The following RASGEF1A variants were observed in gnomAD, a reference collection of about 807,000 sequenced individuals.
RASGEF1A encodes ras-GEF domain-containing family member 1A.
A neutral mutation model predicts 56.4 loss-of-function variants in RASGEF1A; 18 were observed. That is an observed-to-expected ratio of 0.32 (90% CI 0.22 to 0.47). The LOEUF (loss-of-function observed/expected upper bound fraction) is 0.47. Among genes scored for constraint, RASGEF1A ranks in the 20% least tolerant of loss-of-function variants. RASGEF1A has a pLI of 1.00. For missense variants in RASGEF1A, 422 were observed against 627.1 expected, an observed-to-expected ratio of 0.67 and a Z score of 3.49; for synonymous variants, 245 against 242.6, an observed-to-expected ratio of 1.01 and a Z score of -0.09.
At chr10:43,224,727 T>C (rs1840250603) in intron 1 of RASGEF1A, among the ~76,000 whole-genome samples, 1 of 152,208 alleles carries the variant, frequency 6.6e-6, no homozygotes, top group Non-Finnish European at 1.5e-5. Context: ...AATGTTACTT[T>C]GCACCTTTTA....
intron 1 of RASGEF1A, chr10:43,208,027 C>CA (rs908078335): frequency 1.0e-6 from 1 of 984,054 alleles, no homozygotes; most frequent in Non-Finnish European, 1.2e-6. Flanking sequence ...CCCAGGGTGG[C>CA]ACTCAGTGAC....
chr10:43,231,469 C>T (rs1045210756), intron 1 of RASGEF1A, among the ~76,000 whole-genome samples: 2 of 152,234 alleles, frequency 1.3e-5, no homozygotes, highest in Non-Finnish European at 2.9e-5. Context: ...CAAGCATCCC[C>T]TCTGCCTCCC....
At chr10:43,206,552 G>A (rs191657269) in intron 1 of RASGEF1A, 1 of 1,008,538 alleles carries the variant, frequency 9.9e-7, no homozygotes, top group East Asian at 9.4e-5. Flanking sequence ...GAGTGCCAAG[G>A]TCCTGACCCA....
intron 1 of RASGEF1A, among the ~76,000 whole-genome samples, chr10:43,213,244 A>G (rs1033640674): frequency 1.3e-5 from 2 of 151,752 alleles, no homozygotes; most frequent in African/African-American, 4.8e-5. Context: ...TTTCCGACAC[A>G]TAGAAATTAC....
intron 1 of RASGEF1A, among the ~76,000 whole-genome samples, chr10:43,234,771 A>G (rs1393044807): frequency 6.6e-6 from 1 of 152,198 alleles, no homozygotes; most frequent in South Asian, 2.1e-4. Flanking sequence ...ATGCCAATTC[A>G]CAAGGGTGCT....
At position 43,196,260 on chromosome 10, in the gene RASGEF1A, AG is replaced by A; in HGVS notation, c.1429del (p.Leu477PhefsTer2). The stretch of plus-strand genomic sequence containing the variant: ...GCATCCGCCTCAGGCTCTGTTCAGA[AG>A]GGTGGTCCTAGAGGGGGACAGGACA... ...KDSWKTLRTTLLNRA is the reference protein window; with the variant it reads ...KDSWKTLRTTXLNRA On this transcript the variant is annotated frameshift_variant, in exon 13 of 13. Transcript: ENST00000395810. LOFTEE classifies it high-confidence loss of function. This position sits in a 1 kb window ranked among gnomAD's most constrained non-coding sequence, Gnocchi z 4.6. 1.2e-6 allele frequency: 2 copies of A among 1,613,662 alleles called. No homozygotes were observed. The highest frequency in any genetic ancestry group is 1.7e-6 in the Non-Finnish European group (2 of 1,179,768).
At chr10:43,249,764 G>A (rs1451215456) in intron 1 of RASGEF1A, among the ~76,000 whole-genome samples, 1 of 152,184 alleles carries the variant, frequency 6.6e-6, no homozygotes, top group Non-Finnish European at 1.5e-5. Flanking sequence ...TGGTCAGGAG[G>A]AGGTGGGCCC....
chr10:43,252,010 C>G (rs1840632401), intron 1 of RASGEF1A, among the ~76,000 whole-genome samples: 2 of 152,224 alleles, frequency 1.3e-5, no homozygotes, highest in Admixed American at 1.3e-4. Context: ...CCTGAGGACA[C>G]ACAGGGTGGT....
At position 43,200,647 on chromosome 10, in the gene RASGEF1A, G is replaced by C; in HGVS notation, c.681+20C>G. ...GTCCCACAGCCCCCACCCCCAGTCA[G>C]GGCATAAGGCAGCACTGACCAGCTC... On this transcript the variant is annotated intron_variant, in intron 5 of 12. Coordinates refer to ENST00000395810, the MANE Select transcript of RASGEF1A (RefSeq NM_145313.4). 1 of 1,601,996 alleles carries C rather than the reference G, an allele frequency of 6.2e-7. No homozygotes were observed. The highest frequency in any genetic ancestry group is 1.1e-5 in the South Asian group (1 of 90,828).
At chr10:43,213,752 G>A (rs1480513185) in intron 1 of RASGEF1A, among the ~76,000 whole-genome samples, 2 of 152,104 alleles carry the variant, frequency 1.3e-5, no homozygotes, top group African/African-American at 2.4e-5. Flanking sequence ...TCAGGCTCCC[G>A]AGTAGCTGGG....
At chr10:43,266,620 C>T (rs1429065591) in intron 1 of RASGEF1A, among the ~76,000 whole-genome samples, 1 of 149,190 alleles carries the variant, frequency 6.7e-6, no homozygotes, top group Non-Finnish European at 1.5e-5. Context: ...CCGTCCAGCC[C>T]GGGGCGGAGT....
chr10:43,248,708 T>A (rs1840594031), intron 1 of RASGEF1A, among the ~76,000 whole-genome samples: 1 of 152,214 alleles, frequency 6.6e-6, no homozygotes, highest in Non-Finnish European at 1.5e-5. Flanking sequence ...AGTCTGTAGA[T>A]TTTTTTCTTA....
chr10:43,205,428 C>G (rs1200109848), intron 2 of RASGEF1A, among the ~76,000 whole-genome samples: 1 of 152,154 alleles, frequency 6.6e-6, no homozygotes, highest in African/African-American at 2.4e-5. Flanking sequence ...CTGAACAGTG[C>G]TCTGCTGACA....
At chr10:43,252,683 G>A (rs1022160482) in intron 1 of RASGEF1A, among the ~76,000 whole-genome samples, 2 of 152,080 alleles carry the variant, frequency 1.3e-5, no homozygotes, top group Admixed American at 6.5e-5. Context: ...TAAGCTCAGG[G>A]GCTTTTTAGC....
chr10:43,203,634 C>G, intron 2 of RASGEF1A: 1 of 1,198,790 alleles, frequency 8.3e-7, no homozygotes, highest in Non-Finnish European at 1.1e-6. Context: ...GCTCGAGCCC[C>G]GCCTCCCAGC....
Position 43,196,703 on chromosome 10 carries a change from G to A in RASGEF1A, c.1349-155C>T, listed in dbSNP as rs1839803459. Among the ~76,000 whole-genome samples, 2 of 152,200 alleles carry A rather than the reference G, an allele frequency of 1.3e-5. No individual in the cohort carries two copies. Among genetic ancestry groups the A allele is most frequent in the Admixed American group, 6.5e-5 (1 of 15,286 alleles). Reference sequence around the variant, plus strand: ...GCTGTGCGGGGCTCTCAGGCTGCCTGTTGGGGACTCTAGGAAGGTTCCTCG... The same window carrying A: ...GCTGTGCGGGGCTCTCAGGCTGCCTATTGGGGACTCTAGGAAGGTTCCTCG... On this transcript the variant is annotated intron_variant, in intron 11 of 12. Transcript: ENST00000395810. The surrounding 1 kb of genome is among the most constrained non-coding windows in gnomAD (Gnocchi z 4.6).
intron 4 of RASGEF1A, 87 bp downstream of exon 4, chr10:43,201,721 C>T (rs928559446): frequency 4.5e-5 from 60 of 1,339,140 alleles, no homozygotes; most frequent in Non-Finnish European, 5.9e-5. Flanking sequence ...GGACCACATA[C>T]AGAGTTGTCC....
intron 1 of RASGEF1A, chr10:43,207,606 T>G: frequency 2.0e-6 from 2 of 985,600 alleles, no homozygotes; most frequent in Non-Finnish European, 2.4e-6. Context: ...GGGTGGAATG[T>G]CCAGGCCCCC....
chr10:43,214,588 A>G (rs189111521), intron 1 of RASGEF1A, among the ~76,000 whole-genome samples: 130 of 152,296 alleles, frequency 8.5e-4, no homozygotes, highest in African/African-American at 2.9e-3. Context: ...GAGTAGGAAC[A>G]ACAGGCCAGG....
Sources: gnomAD v4.1 joint callset for allele counts (sites outside exome capture counted in the v4.1 genomes callset) on GRCh38, gnomAD v4.1.1 for gene constraint, Gnocchi (gnomAD v3.1) non-coding constraint, MANE v1.5 for transcripts, NCBI Gene and HGNC (gene_info 2026-07-23, HGNC 2026-07-21) for gene names.